Variants in LSAMP observed in about 807,000 individuals in gnomAD.
The protein encoded by LSAMP is limbic system associated membrane protein.
In LSAMP, 7 loss-of-function variants were observed where a neutral mutation model predicts 38.6. That is an observed-to-expected ratio of 0.18 (90% CI 0.10 to 0.34). The LOEUF is 0.34. Ranked by LOEUF, LSAMP falls within the 10% of genes least tolerant of loss-of-function variation. The probability of loss-of-function intolerance (pLI) is 1.00; values close to 1 mark genes in which losing one functional copy is unlikely to be tolerated. For synonymous variants in LSAMP, 154 were observed against 166.8 expected (o/e 0.92, Z 0.59); for missense variants, 313 against 420.0 (o/e 0.75, Z 2.23).
At chr3:116,242,741 C>T (rs1035132046) in intron 1 of LSAMP, among the ~76,000 whole-genome samples, 3 of 151,332 alleles carry the variant, frequency 2.0e-5, no homozygotes, top group Non-Finnish European at 4.4e-5. Context: ...CGTGTTCAAC[C>T]TATCTAACTT....
chr3:116,239,513 T>G (rs2107636561), intron 1 of LSAMP, among the ~76,000 whole-genome samples: 1 of 152,352 alleles, frequency 6.6e-6, no homozygotes, highest in East Asian at 1.9e-4. Flanking sequence ...AGATAGTATA[T>G]TAGGGAATAT....
intron 1 of LSAMP, among the ~76,000 whole-genome samples, chr3:116,277,763 C>T (rs1201502328): frequency 6.6e-6 from 1 of 152,120 alleles, no homozygotes; most frequent in Non-Finnish European, 1.5e-5. Flanking sequence ...TTAACGGTTA[C>T]CTGTTGTAAA....
intron 2 of LSAMP, among the ~76,000 whole-genome samples, chr3:116,046,485 G>A (rs1941291365): frequency 6.6e-6 from 1 of 152,228 alleles, no homozygotes; most frequent in African/African-American, 2.4e-5. Context: ...GGACACCACA[G>A]CTAATTTTCC....
At chr3:116,419,510 GT>G (rs1221867347) in intron 1 of LSAMP, among the ~76,000 whole-genome samples, 1 of 152,188 alleles carries the variant, frequency 6.6e-6, no homozygotes, top group African/African-American at 2.4e-5. Context: ...GGTCTAGACA[GT>G]GAGGAGCTAG....
chr3:116,109,577 T>C (rs1708551175), intron 1 of LSAMP, among the ~76,000 whole-genome samples: 3 of 152,114 alleles, frequency 2.0e-5, no homozygotes, highest in African/African-American at 7.2e-5. Context: ...CAAGAAATAT[T>C]TAGATCTTGT....
At chr3:115,893,237 G>A (rs1314695965) in intron 3 of LSAMP, among the ~76,000 whole-genome samples, 1 of 151,936 alleles carries the variant, frequency 6.6e-6, no homozygotes, top group Non-Finnish European at 1.5e-5. Flanking sequence ...CATGGCCTGT[G>A]TATACCTATG....
At chr3:116,134,897 CT>C (rs1449404251) in intron 1 of LSAMP, among the ~76,000 whole-genome samples, 5 of 152,154 alleles carry the variant, frequency 3.3e-5, no homozygotes, top group Admixed American at 3.3e-4. Flanking sequence ...GAAATTAGTA[CT>C]TCTATGGGAA....
chr3:116,176,187 T>C (rs1366057026), intron 1 of LSAMP, among the ~76,000 whole-genome samples: 1 of 152,104 alleles, frequency 6.6e-6, no homozygotes, highest in Non-Finnish European at 1.5e-5. Flanking sequence ...AGACACTTTA[T>C]GGAGTACTCT....
chr3:116,302,354 T>C (rs1334632406), intron 1 of LSAMP, among the ~76,000 whole-genome samples: 1 of 152,218 alleles, frequency 6.6e-6, no homozygotes, highest in Non-Finnish European at 1.5e-5. Flanking sequence ...TCTCTTTTCA[T>C]TCCCTAGTTC....
At chr3:115,848,486 A>G (rs1935230512) in intron 4 of LSAMP, among the ~76,000 whole-genome samples, 1 of 152,242 alleles carries the variant, frequency 6.6e-6, no homozygotes, top group African/African-American at 2.4e-5. Context: ...TTTTGAATCA[A>G]ATCACTGAAG....
At chr3:116,235,041 T>C (rs1400749412) in intron 1 of LSAMP, among the ~76,000 whole-genome samples, 1 of 152,092 alleles carries the variant, frequency 6.6e-6, no homozygotes, top group Non-Finnish European at 1.5e-5. Flanking sequence ...GAAAAAATAT[T>C]CTAAAAGACA....
At chr3:116,411,322 C>A (rs2048973970) in intron 1 of LSAMP, among the ~76,000 whole-genome samples, 1 of 151,952 alleles carries the variant, frequency 6.6e-6, no homozygotes, top group African/African-American at 2.4e-5. Flanking sequence ...AAGACACATG[C>A]ACACGTATGT....
chr3:116,444,730 CCACACA>C, intron 1 of LSAMP, 141 bp downstream of exon 1: 1 of 942,958 alleles, frequency 1.1e-6, no homozygotes. Flanking sequence ...CACACACACA[CCACACA>C]CACACACACC....
chr3:115,844,615 T>G (rs1312162891), intron 4 of LSAMP, among the ~76,000 whole-genome samples: 1 of 152,216 alleles, frequency 6.6e-6, no homozygotes, highest in Non-Finnish European at 1.5e-5. Context: ...GCTCTGTTCC[T>G]CATTGTCCTT....
intron 3 of LSAMP, among the ~76,000 whole-genome samples, chr3:115,942,169 A>G (rs1937944323): frequency 6.6e-6 from 1 of 152,156 alleles, no homozygotes; most frequent in Non-Finnish European, 1.5e-5. Flanking sequence ...TAAAAAGACA[A>G]AAATGGAAGG....
intron 1 of LSAMP, among the ~76,000 whole-genome samples, chr3:116,179,434 T>A (rs1710432373): frequency 6.6e-6 from 1 of 152,114 alleles, no homozygotes. Flanking sequence ...AATAATTGAT[T>A]AGGTGAGTGT....
chr3:116,072,519 T>G (rs2107384847), intron 2 of LSAMP, among the ~76,000 whole-genome samples: 1 of 152,302 alleles, frequency 6.6e-6, no homozygotes, highest in Non-Finnish European at 1.5e-5. Context: ...ACCCCAACAG[T>G]GTAAAAGTTT....
At chr3:116,054,372 G>C (rs1212532887) in intron 2 of LSAMP, among the ~76,000 whole-genome samples, 1 of 152,128 alleles carries the variant, frequency 6.6e-6, no homozygotes, top group Admixed American at 6.5e-5. Context: ...AGGTAACATA[G>C]TCACAGATTC....
chr3:116,199,599 G>A (rs1330448326), intron 1 of LSAMP, among the ~76,000 whole-genome samples: 1 of 152,166 alleles, frequency 6.6e-6, no homozygotes, highest in African/African-American at 2.4e-5. Flanking sequence ...AAATAAATGA[G>A]TGAGACAGCC....
Sources: gnomAD v4.1 joint callset for allele counts (sites outside exome capture counted in the v4.1 genomes callset) on GRCh38, gnomAD v4.1.1 for gene constraint, MANE v1.5 for transcripts, NCBI Gene and HGNC (gene_info 2026-07-23, HGNC 2026-07-21) for gene names.